The following C11orf65 variants were observed in gnomAD, a reference collection of about 807,000 sequenced individuals.
C11orf65 encodes chromosome 11 open reading frame 65, also known as protein MFI.
C11orf65 carries 38 observed loss-of-function variants against 35.3 expected under a neutral mutation model. That is an observed-to-expected ratio of 1.08 (90% confidence interval 0.83 to 1.41). C11orf65 has a LOEUF of 1.41. Ranked by LOEUF, C11orf65 falls within the 40% of genes most tolerant of loss-of-function variation. C11orf65 has a pLI of 0.00. For synonymous variants in C11orf65, 105 were observed against 114.4 expected (o/e 0.92, Z 0.53); for missense variants, 370 against 367.1 (o/e 1.01, Z -0.06).
chr11:108,363,563 T>C (rs1441931483), intron 2 of C11orf65, among the ~76,000 whole-genome samples: 1 of 152,184 alleles, frequency 6.6e-6, no homozygotes, highest in African/African-American at 2.4e-5. Flanking sequence ...GAGGATAGTA[T>C]TGGCATCTAC....
At chr11:108,380,105 T>C (rs1483397631), downstream of C11orf65, among the ~76,000 whole-genome samples, 50 of 152,204 alleles carry the variant, frequency 3.3e-4, no homozygotes, top group Admixed American at 3.3e-3. Flanking sequence ...ATACTGACTA[T>C]GGTATACCTA....
chr11:108,373,806 C>G lies in C11orf65; in HGVS notation c.226+19402G>C, dbSNP rs546029948. Among the ~76,000 whole-genome samples, 4 of 152,334 alleles carry G rather than the reference C, an allele frequency of 2.6e-5. No individual in the cohort carries two copies. The South Asian group carries it at 8.3e-4, about 32-fold the overall frequency. On this transcript the variant is annotated intron_variant, in intron 2 of 3. Transcript: ENST00000524755. The stretch of plus-strand genomic sequence containing the variant: ...GGGTGACAGACGGCACCTGGAAAAT[C>G]GGGCCACTCCCACCCGAATACTGCG...
intron 2 of C11orf65, among the ~76,000 whole-genome samples, chr11:108,359,953 G>A (rs60972360): frequency 6.6e-6 from 1 of 151,658 alleles, no homozygotes; most frequent in Non-Finnish European, 1.5e-5. Context: ...AATCAGAGCA[G>A]AACTGAAGGA....
chr11:108,310,015 T>C (rs2136005553), intron 6 of C11orf65: 1 of 745,114 alleles, frequency 1.3e-6, no homozygotes, highest in East Asian at 2.8e-5. Context: ...ATAATGTTTA[T>C]AGGTATATAT....
intron 2 of C11orf65, chr11:108,365,629 T>C (rs1226579536): frequency 3.2e-6 from 4 of 1,267,292 alleles, no homozygotes; most frequent in African/African-American, 3.0e-5. Context: ...TGTGGGTTTT[T>C]TTGAATGTTG....
chr11:108,452,330 T>A (rs1305471683), intron 2 of C11orf65, among the ~76,000 whole-genome samples: 2 of 151,938 alleles, frequency 1.3e-5, no homozygotes, highest in East Asian at 3.9e-4. Context: ...AACCACCCCA[T>A]CAAAAAGTGG....
At chr11:108,387,153 T>TTC (rs1565632477) in intron 7 of C11orf65, among the ~76,000 whole-genome samples, 1 of 130,042 alleles carries the variant, frequency 7.7e-6, no homozygotes, top group Non-Finnish European at 1.6e-5. Context: ...TCTTTCTTTT[T>TTC]TTTTTTTTTT....
chr11:108,318,479 C>CA (rs1387821170), intron 6 of C11orf65, among the ~76,000 whole-genome samples: 1 of 152,114 alleles, frequency 6.6e-6, no homozygotes, highest in African/African-American at 2.4e-5. Context: ...CACTTGAGAT[C>CA]AGGAGTTTGA....
chr11:108,445,938 G>A (rs1283516397), intron 2 of C11orf65, among the ~76,000 whole-genome samples: 1 of 152,188 alleles, frequency 6.6e-6, no homozygotes, highest in Non-Finnish European at 1.5e-5. Flanking sequence ...AGGAGCTGAT[G>A]GAGCTGAAAG....
intron 2 of C11orf65, chr11:108,354,901 A>AT (rs747437337): frequency 8.9e-6 from 14 of 1,579,930 alleles, no homozygotes; most frequent in African/African-American, 2.7e-5. Flanking sequence ...GGAAGACTTT[A>AT]TTTTTTTTCT....
At chr11:108,354,788 A>G (rs2089682692) in intron 2 of C11orf65, 1 of 1,604,638 alleles carries the variant, frequency 6.2e-7, no homozygotes. Context: ...CAAAATCCGT[A>G]TTTATAATGT....
chr11:108,400,314 T>C (rs1481099052), intron 6 of C11orf65, among the ~76,000 whole-genome samples: 2 of 152,166 alleles, frequency 1.3e-5, no homozygotes, highest in African/African-American at 4.8e-5. Flanking sequence ...ATCCTTAACT[T>C]TTTGCAAAGT....
At chr11:108,454,441 G>A (rs1270399958) in intron 2 of C11orf65, among the ~76,000 whole-genome samples, 1 of 151,836 alleles carries the variant, frequency 6.6e-6, no homozygotes, top group East Asian at 1.9e-4. Context: ...TGGGATTACA[G>A]GCATGTGCCA....
At chr11:108,341,842 C>T (rs550756594) in intron 2 of C11orf65, among the ~76,000 whole-genome samples, 16 of 152,234 alleles carry the variant, frequency 1.1e-4, no homozygotes, top group East Asian at 3.9e-4. Flanking sequence ...TTAAGTATTG[C>T]GAAAGTTATG....
chr11:108,441,484 A>G (rs982993846), intron 2 of C11orf65, among the ~76,000 whole-genome samples: 5 of 152,224 alleles, frequency 3.3e-5, no homozygotes, highest in African/African-American at 1.2e-4. Context: ...TTGTTATCCC[A>G]GCATGGAGTT....
At chr11:108,438,340 T>G (rs2093096868) in intron 2 of C11orf65, among the ~76,000 whole-genome samples, 2 of 152,040 alleles carry the variant, frequency 1.3e-5, no homozygotes, top group African/African-American at 4.8e-5. Flanking sequence ...TCACTTGAGG[T>G]CAGGAGTTTG....
At chr11:108,353,987 G>C (rs1478536301) in intron 2 of C11orf65, 1 of 1,135,156 alleles carries the variant, frequency 8.8e-7, no homozygotes, top group African/African-American at 1.5e-5. Context: ...AGGCTGAAGT[G>C]GGAGGATTGT....
In C11orf65 at chr11:108,347,247, G is replaced by C. The variant is rs765908655; in HGVS notation, c.227-11955C>G. On this transcript the variant is annotated intron_variant, in intron 2 of 3. Coordinates refer to the C11orf65 transcript ENST00000524755. Reference sequence around the variant, plus strand: ...TATATTAGAAAGAGATGGAATCAGTGATTTCAGATTGTTTGTTTCTTTTTT... The same window carrying C: ...TATATTAGAAAGAGATGGAATCAGTCATTTCAGATTGTTTGTTTCTTTTTT... 2.1e-6 allele frequency: 3 copies of C among 1,443,488 alleles called. No individual in the cohort carries two copies. In the East Asian group the frequency reaches 6.8e-5, roughly 33 times the overall value. The allele number at this position is 1,443,488 out of a possible 1,614,324, so 89.4% of individuals were successfully genotyped here.
Position 108,365,479 on chromosome 11 carries a change from C to G in C11orf65, c.226+27729G>C, listed in dbSNP as rs876660534. 1.9e-5 allele frequency: 30 copies of G among 1,614,072 alleles called. No homozygotes were observed. Among genetic ancestry groups the G allele is most frequent in the Non-Finnish European group, 2.4e-5 (28 of 1,180,030 alleles). On this transcript the variant is annotated intron_variant, in intron 2 of 3. Coordinates refer to the C11orf65 transcript ENST00000524755. ...CATAGACCCCAAAAATCTCAGCCGA[C>G]TTTTCCCAGGATGGAAAGCTTGGGT...
Sources: allele counts gnomAD v4.1 joint callset (sites outside exome capture counted in the v4.1 genomes callset), GRCh38; gene constraint gnomAD v4.1.1; transcripts MANE v1.5; gene names NCBI Gene and HGNC (gene_info 2026-07-23, HGNC 2026-07-21).